UBE2V2: variants seen among roughly 807,000 people sequenced by gnomAD.
The protein encoded by UBE2V2 is ubiquitin-conjugating enzyme E2 variant 2.
A neutral mutation model predicts 17.2 loss-of-function variants in UBE2V2; 9 were observed. The ratio of observed to expected loss-of-function variants is 0.52; its 90% confidence interval spans 0.32 to 0.91. UBE2V2 has a LOEUF of 0.91. Ranked by LOEUF, UBE2V2 falls within the 40% of genes least tolerant of loss-of-function variation. UBE2V2 has a pLI of 0.04. For synonymous variants in UBE2V2, 61 were observed against 57.5 expected, an observed-to-expected ratio of 1.06 and a Z score of -0.28; for missense variants, 133 against 182.6, an observed-to-expected ratio of 0.73 and a Z score of 1.56.
chr8:48,046,766 T>C (rs550269068), intron 2 of UBE2V2, among the ~76,000 whole-genome samples: 2 of 149,276 alleles, frequency 1.3e-5, no homozygotes, highest in South Asian at 4.4e-4. Context: ...CTGGCTAATT[T>C]GTGTGTGTGT....
intron 1 of UBE2V2, among the ~76,000 whole-genome samples, chr8:48,017,124 A>G (rs1341904937): frequency 1.3e-5 from 2 of 151,860 alleles, no homozygotes; most frequent in South Asian, 2.1e-4. Context: ...AGCCATTTTA[A>G]TGGGAGTGAG....
At chr8:48,040,188 C>A (rs981519129) in intron 1 of UBE2V2, among the ~76,000 whole-genome samples, 1 of 151,970 alleles carries the variant, frequency 6.6e-6, no homozygotes, top group African/African-American at 2.4e-5. Flanking sequence ...CTCTCTCTTC[C>A]CCCCTCCCTT....
intron 2 of UBE2V2, among the ~76,000 whole-genome samples, chr8:48,044,015 G>A (rs924529100): frequency 2.0e-5 from 3 of 150,026 alleles, no homozygotes; most frequent in African/African-American, 7.4e-5. Flanking sequence ...TCTCTCTAAT[G>A]TTTTTGGCTT....
intron 1 of UBE2V2, among the ~76,000 whole-genome samples, chr8:48,009,667 ATG>A (rs1180998525): frequency 1.1e-4 from 16 of 152,224 alleles, no homozygotes; most frequent in Admixed American, 6.5e-5. Flanking sequence ...TCAAATCTAT[ATG>A]TACTGAAATG....
At chr8:48,035,158 G>A (rs1455347380) in intron 1 of UBE2V2, 7 of 956,064 alleles carry the variant, frequency 7.3e-6, no homozygotes, top group Non-Finnish European at 8.5e-6. Flanking sequence ...CTCTGTCGCC[G>A]AGGCTGTAGT....
chr8:48,040,432 TTGTCA>T (rs775565797), intron 1 of UBE2V2, among the ~76,000 whole-genome samples: 1 of 152,198 alleles, frequency 6.6e-6, no homozygotes, highest in Non-Finnish European at 1.5e-5. Context: ...TTGCATTTGG[TTGTCA>T]TGCCTCTATT....
At chr8:48,059,155 G>A (rs1402652827) in intron 3 of UBE2V2, among the ~76,000 whole-genome samples, 3 of 151,530 alleles carry the variant, frequency 2.0e-5, no homozygotes, top group South Asian at 2.1e-4. Flanking sequence ...GGCTGTTCTC[G>A]AACTCCTGAA....
At chr8:48,010,668 A>G (rs1429445807) in intron 1 of UBE2V2, among the ~76,000 whole-genome samples, 1 of 147,204 alleles carries the variant, frequency 6.8e-6, no homozygotes, top group Non-Finnish European at 1.5e-5. Context: ...CTGGGATTAC[A>G]GGTGTGAGCC....
At chr8:48,045,037 C>T (rs1041965526) in intron 2 of UBE2V2, among the ~76,000 whole-genome samples, 3 of 152,094 alleles carry the variant, frequency 2.0e-5, no homozygotes. Context: ...CACCGAACCT[C>T]AGGAAACTCT....
At chr8:48,058,852 C>G (rs1366027624) in intron 3 of UBE2V2, among the ~76,000 whole-genome samples, 2 of 151,744 alleles carry the variant, frequency 1.3e-5, no homozygotes, top group African/African-American at 4.8e-5. Context: ...ATATATTACT[C>G]TGATTTTTAA....
At chr8:48,053,931 A>C (rs2091555791) in intron 3 of UBE2V2, among the ~76,000 whole-genome samples, 1 of 151,198 alleles carries the variant, frequency 6.6e-6, no homozygotes, top group South Asian at 2.1e-4. Context: ...TAGCCTCCCG[A>C]GTAGCTGGGA....
chr8:48,010,599 C>T (rs941197788), intron 1 of UBE2V2, among the ~76,000 whole-genome samples: 2 of 150,598 alleles, frequency 1.3e-5, no homozygotes, highest in African/African-American at 4.9e-5. Context: ...GACGGGGTTT[C>T]ACCATATTGG....
At chr8:48,059,187 G>A (rs990808989) in intron 3 of UBE2V2, among the ~76,000 whole-genome samples, 41 of 151,826 alleles carry the variant, frequency 2.7e-4, no homozygotes, top group African/African-American at 8.7e-4. Flanking sequence ...CGCCCGCCTC[G>A]GCCTCCCAAA....
At chr8:48,027,111 C>T (rs764891988) in intron 1 of UBE2V2, among the ~76,000 whole-genome samples, 35 of 151,754 alleles carry the variant, frequency 2.3e-4, no homozygotes, top group South Asian at 1.0e-3. Flanking sequence ...CAGCCTCCCA[C>T]GTAGCTTGGA....
upstream of UBE2V2, among the ~76,000 whole-genome samples, chr8:48,005,783 T>C (rs998137363): frequency 6.6e-6 from 1 of 152,254 alleles, no homozygotes; most frequent in African/African-American, 2.4e-5. Context: ...TGATGAGCTT[T>C]TTTTCATGTT....
chr8:48,045,750 C>T (rs1341276937), intron 2 of UBE2V2, among the ~76,000 whole-genome samples: 1 of 152,184 alleles, frequency 6.6e-6, no homozygotes, highest in Admixed American at 6.5e-5. Context: ...TGCTCACCAC[C>T]TGATGATCTT....
chr8:48,041,230 G>T, intron 1 of UBE2V2, among the ~76,000 whole-genome samples: 1 of 150,106 alleles, frequency 6.7e-6, no homozygotes. Flanking sequence ...GGAGTGCAGT[G>T]GTGCGATCTC....
chr8:48,045,580 G>A (rs1257236589), intron 2 of UBE2V2, among the ~76,000 whole-genome samples: 6 of 152,160 alleles, frequency 3.9e-5, no homozygotes, highest in African/African-American at 1.4e-4. Flanking sequence ...GGTAAGGTAA[G>A]AGTAACCTTG....
chr8:48,035,629 TTTTGTG>T lies in UBE2V2; in HGVS notation c.17-7402_17-7397del, dbSNP rs1645985481. Among the ~76,000 whole-genome samples the T allele has an allele frequency of 2.2e-5, 3 of 133,338 alleles. 1 individual carries two copies. The highest frequency in any genetic ancestry group is 5.2e-4 in the South Asian group (2 of 3,872). The allele number at this position is 133,338 out of a possible 152,430, so 87.5% of individuals were successfully genotyped here. A position where few individuals can be genotyped will look rare whatever the true frequency, so the allele number is the denominator to read the frequency against. ...TATTTAAAAATTATTGTTTTTTTTT[TTTTGTG>T]TGTGTGTGTGTGTGTGTGTGTGTGT... On this transcript the variant is annotated intron_variant, in intron 1 of 3. Coordinates refer to ENST00000523111, the MANE Select transcript of UBE2V2 (RefSeq NM_003350.3).
Sources: gnomAD v4.1 joint callset for allele counts (sites outside exome capture counted in the v4.1 genomes callset) on GRCh38, gnomAD v4.1.1 for gene constraint, MANE v1.5 for transcripts, NCBI Gene and HGNC (gene_info 2026-07-23, HGNC 2026-07-21) for gene names.